The following DNAJC1 variants were observed in gnomAD, a reference collection of about 807,000 sequenced individuals.
The protein encoded by DNAJC1 is DnaJ heat shock protein family (Hsp40) member C1.
A neutral mutation model predicts 76.6 loss-of-function variants in DNAJC1; 58 were observed. The ratio of observed to expected loss-of-function variants is 0.76; its 90% CI spans 0.61 to 0.94. The LOEUF is 0.94. DNAJC1 is among the 40% of genes least tolerant of loss of function. The probability of loss-of-function intolerance (pLI) is 0.00; values close to 1 mark genes in which losing one functional copy is unlikely to be tolerated. For missense variants in DNAJC1, 689 were observed against 677.3 expected (o/e 1.02, Z -0.19); for synonymous variants, 258 against 267.9 (o/e 0.96, Z 0.36).
At chr10:21,911,675 T>A (rs533774294) in intron 6 of DNAJC1, among the ~76,000 whole-genome samples, 2 of 152,182 alleles carry the variant, frequency 1.3e-5, no homozygotes, top group Non-Finnish European at 2.9e-5. Context: ...AATGTAAGAA[T>A]CCTACAACTT....
chr10:21,846,651 G>C (rs1393939331), intron 8 of DNAJC1, among the ~76,000 whole-genome samples: 5 of 152,040 alleles, frequency 3.3e-5, no homozygotes, highest in Admixed American at 2.0e-4. Context: ...ATGTTACAAA[G>C]AGTATTAGCG....
intron 10 of DNAJC1, among the ~76,000 whole-genome samples, chr10:21,765,612 C>T (rs145696918): frequency 0.028 from 4,237 of 152,058 alleles, 93 homozygotes; most frequent in Middle Eastern, 0.065. Context: ...TTTGGGAGGC[C>T]GAGGTGAGAG....
chr10:21,864,154 G>A (rs1490456869), intron 8 of DNAJC1, among the ~76,000 whole-genome samples: 1 of 152,108 alleles, frequency 6.6e-6, no homozygotes, highest in Admixed American at 6.5e-5. Context: ...GAGCCAGGAG[G>A]CAGAGATTGC....
At chr10:21,992,989 C>T (rs1447426343) in intron 1 of DNAJC1, among the ~76,000 whole-genome samples, 1 of 152,270 alleles carries the variant, frequency 6.6e-6, no homozygotes, top group East Asian at 1.9e-4. Context: ...TAAATTCCCT[C>T]GGCCATACTT....
intron 1 of DNAJC1, among the ~76,000 whole-genome samples, chr10:21,929,871 A>C (rs1837192864): frequency 6.6e-6 from 1 of 152,256 alleles, no homozygotes; most frequent in South Asian, 2.1e-4. Flanking sequence ...GTGGATATTA[A>C]AATTACATTT....
In DNAJC1 at chr10:21,888,762, C is replaced by T. The variant is rs181962441; in HGVS notation, c.821-6323G>A. On this transcript the variant is annotated intron_variant, in intron 7 of 11. Transcript: ENST00000376980. Reference sequence around the variant, plus strand: ...AGCACAAAGAAGGAAACAAAAGACACTGGGGTCTACTTGAGGTTGGAGGGT... The same window carrying T: ...AGCACAAAGAAGGAAACAAAAGACATTGGGGTCTACTTGAGGTTGGAGGGT... Among the ~76,000 whole-genome samples, 24 of 152,092 alleles carry T rather than the reference C, an allele frequency of 1.6e-4. No individual in the cohort carries two copies. The East Asian group carries it at 4.3e-3, about 27-fold the overall frequency.
chr10:21,773,421 T>A (rs923201683), intron 9 of DNAJC1, among the ~76,000 whole-genome samples: 2 of 152,188 alleles, frequency 1.3e-5, no homozygotes, highest in African/African-American at 4.8e-5. Context: ...TTCCCAAACA[T>A]CTGTTGATTT....
chr10:21,758,283 TC>T (rs1834199870), intron 11 of DNAJC1, among the ~76,000 whole-genome samples: 1 of 152,060 alleles, frequency 6.6e-6, no homozygotes, highest in South Asian at 2.1e-4. Flanking sequence ...GCGGAAGAGA[TC>T]GGGGCTTTTG....
At chr10:21,865,250 C>T (rs903367356) in intron 8 of DNAJC1, 1 of 152,062 alleles carries the variant, frequency 6.6e-6, no homozygotes, top group Non-Finnish European at 1.5e-5. Flanking sequence ...TATGTCCACA[C>T]AAAAACTTGA....
At chr10:22,000,530 T>A (rs1222386432) in intron 1 of DNAJC1, among the ~76,000 whole-genome samples, 2 of 152,248 alleles carry the variant, frequency 1.3e-5, no homozygotes, top group Non-Finnish European at 2.9e-5. Flanking sequence ...TTGCTATTCC[T>A]CAAACGCTAA....
chr10:21,880,146 C>T (rs117391974), intron 8 of DNAJC1, among the ~76,000 whole-genome samples: 1,694 of 152,304 alleles, frequency 0.011, 13 homozygotes, highest in Non-Finnish European at 0.018. Flanking sequence ...TCAAGTTTGA[C>T]CATGGGATTG....
At chr10:21,921,760 T>TA (rs530289025) in intron 3 of DNAJC1, among the ~76,000 whole-genome samples, 225 of 152,128 alleles carry the variant, frequency 1.5e-3, no homozygotes, top group African/African-American at 5.3e-3. Flanking sequence ...ACTATCAGGA[T>TA]AAAAAAGTTA....
At chr10:21,968,619 T>C (rs898996288) in intron 1 of DNAJC1, among the ~76,000 whole-genome samples, 1 of 151,758 alleles carries the variant, frequency 6.6e-6, no homozygotes, top group African/African-American at 2.4e-5. Context: ...CACGCCATTC[T>C]CCTGCCTCAG....
intron 1 of DNAJC1, among the ~76,000 whole-genome samples, chr10:21,954,164 C>T (rs1590065165): frequency 6.6e-6 from 1 of 152,008 alleles, no homozygotes; most frequent in Admixed American, 6.5e-5. Context: ...CAAATACTTA[C>T]TCGGGATTAA....
chr10:21,999,134 G>C (rs1444612994), intron 1 of DNAJC1, among the ~76,000 whole-genome samples: 4 of 152,130 alleles, frequency 2.6e-5, no homozygotes, highest in African/African-American at 9.7e-5. Context: ...TATCTCAAAA[G>C]AATGTTCTAT....
At chr10:21,909,455 A>G (rs1836817501) in intron 6 of DNAJC1, among the ~76,000 whole-genome samples, 1 of 152,234 alleles carries the variant, frequency 6.6e-6, no homozygotes. Flanking sequence ...TGTAAAAATA[A>G]CTATAAATAT....
intron 8 of DNAJC1, among the ~76,000 whole-genome samples, chr10:21,834,273 T>TAAGA (rs746549823): frequency 1.3e-5 from 2 of 149,400 alleles, no homozygotes; most frequent in Non-Finnish European, 3.0e-5. Context: ...CAAAAAAAAA[T>TAAGA]AAGAAAGAAA....
chr10:21,836,834 C>A (rs1187640704), intron 8 of DNAJC1, among the ~76,000 whole-genome samples: 1 of 152,140 alleles, frequency 6.6e-6, no homozygotes, highest in African/African-American at 2.4e-5. Context: ...AAAGCAAGTC[C>A]TGAGTGACCT....
intron 9 of DNAJC1, among the ~76,000 whole-genome samples, chr10:21,803,500 A>C (rs1834837757): frequency 6.6e-6 from 1 of 151,998 alleles, no homozygotes; most frequent in Non-Finnish European, 1.5e-5. Flanking sequence ...TACTAGCTGA[A>C]CCATTTTAGC....
Sources: allele counts gnomAD v4.1 joint callset (sites outside exome capture counted in the v4.1 genomes callset), GRCh38; gene constraint gnomAD v4.1.1; transcripts MANE v1.5; gene names NCBI Gene and HGNC (gene_info 2026-07-23, HGNC 2026-07-21).